Variants in PRELID2 observed in about 807,000 individuals in gnomAD.
PRELID2 encodes the protein PRELI domain containing 2, also known as PRELI domain-containing protein 2.
In PRELID2, 25 loss-of-function variants were observed where a neutral mutation model predicts 28.4. The ratio of observed to expected loss-of-function variants is 0.88; its 90% CI spans 0.64 to 1.23. The LOEUF is 1.23. Among genes scored for constraint, PRELID2 ranks in the 50% most tolerant of loss-of-function variants. The probability of loss-of-function intolerance (pLI) is 0.00; values close to 1 mark genes in which losing one functional copy is unlikely to be tolerated. For synonymous variants in PRELID2, 76 were observed against 71.6 expected (o/e 1.06, Z -0.31); for missense variants, 201 against 214.4 (o/e 0.94, Z 0.39).
At chr5:145,371,968 T>C in the PRELID2 span, among the ~76,000 whole-genome samples, 1 of 151,858 alleles carries the variant, frequency 6.6e-6, no homozygotes, top group Non-Finnish European at 1.5e-5. Context: ...CTGCTCTTAG[T>C]TATTTCTTGT....
At chr5:145,707,540 A>T (rs1340567246) in intron 1 of PRELID2, among the ~76,000 whole-genome samples, 2 of 152,188 alleles carry the variant, frequency 1.3e-5, no homozygotes, top group Non-Finnish European at 2.9e-5. Flanking sequence ...TTTCCTTAAG[A>T]AGCTTATCCA....
intron 1 of PRELID2, among the ~76,000 whole-genome samples, chr5:145,490,953 T>G (rs537258776): frequency 2.5e-4 from 38 of 149,716 alleles, no homozygotes; most frequent in African/African-American, 9.1e-4. Context: ...ACTTGCCTGG[T>G]CCCTATAAGC....
chr5:145,601,296 T>A (rs533499419), intron 1 of PRELID2, among the ~76,000 whole-genome samples: 1 of 152,056 alleles, frequency 6.6e-6, no homozygotes, highest in African/African-American at 2.4e-5. Context: ...ATAAATAAAT[T>A]GCTTAGCCTG....
intron 1 of PRELID2, among the ~76,000 whole-genome samples, chr5:145,824,463 T>TGTGTGTGTGTGAGA (rs373555427): frequency 3.5e-4 from 50 of 143,650 alleles, no homozygotes; most frequent in Non-Finnish European, 7.2e-4. Context: ...TGTGTGTGTG[T>TGTGTGTGTGTGAGA]GATATTGATT....
At chr5:145,387,280 C>T in the PRELID2 span, among the ~76,000 whole-genome samples, 1 of 151,048 alleles carries the variant, frequency 6.6e-6, no homozygotes, top group African/African-American at 2.4e-5. Context: ...AGTGAAATTA[C>T]ATATGCATAG....
At chr5:145,331,003 A>T in the PRELID2 span, among the ~76,000 whole-genome samples, 4 of 151,980 alleles carry the variant, frequency 2.6e-5, no homozygotes, top group South Asian at 8.3e-4. Context: ...CAAAGAGCTT[A>T]TTTATTTCTG....
At chr5:145,531,697 C>T (rs1752656401) in intron 1 of PRELID2, among the ~76,000 whole-genome samples, 1 of 151,356 alleles carries the variant, frequency 6.6e-6, no homozygotes, top group East Asian at 1.9e-4. Flanking sequence ...TTTGAATGTA[C>T]AGATTCCTTG....
At chr5:145,230,074 C>T in the PRELID2 span, 1 of 655,768 alleles carries the variant, frequency 1.5e-6, no homozygotes, top group South Asian at 1.4e-5. Flanking sequence ...CCATGAGGAG[C>T]TGGGGCCTCC....
chr5:145,349,494 A>T, the PRELID2 span, among the ~76,000 whole-genome samples: 1 of 149,442 alleles, frequency 6.7e-6, no homozygotes, highest in Non-Finnish European at 1.5e-5. Context: ...ATATGACTTC[A>T]TTTTTTTTTT....
chr5:145,580,292 AACAGAAGCC>A (rs371713112), intron 1 of PRELID2, among the ~76,000 whole-genome samples: 184 of 152,214 alleles, frequency 1.2e-3, no homozygotes, highest in African/African-American at 4.3e-3. Context: ...TTATATGGTA[AACAGAAGCC>A]ACCCCCTAAT....
In PRELID2 at chr5:145,716,977, A is replaced by G. The variant is rs551266140; in HGVS notation, n.70+47954T>C. Among the ~76,000 whole-genome samples, 47 of 152,298 alleles carry G rather than the reference A, an allele frequency of 3.1e-4. No homozygotes were observed. In the South Asian group the frequency reaches 9.5e-3, roughly 31 times the overall value. On this transcript the variant is annotated intron_variant and non_coding_transcript_variant, in intron 1 of 2. Coordinates refer to the PRELID2 transcript ENST00000510259. Reference sequence around the variant, plus strand: ...ACTGACACAACTCATATACCCATCAATAATGGAATGCGTGAATAAAGTATG... The same window carrying G: ...ACTGACACAACTCATATACCCATCAGTAATGGAATGCGTGAATAAAGTATG...
At chr5:145,793,398 C>T (rs1752524610) in intron 5 of PRELID2, among the ~76,000 whole-genome samples, 1 of 152,090 alleles carries the variant, frequency 6.6e-6, no homozygotes, top group African/African-American at 2.4e-5. Context: ...AATAAAGTCA[C>T]CTAAAACACT....
intron 1 of PRELID2, among the ~76,000 whole-genome samples, chr5:145,676,642 G>A (rs1231121347): frequency 6.6e-6 from 1 of 152,188 alleles, no homozygotes; most frequent in East Asian, 1.9e-4. Context: ...CTTTTCCTGA[G>A]AAACCAGTTG....
chr5:145,372,883 G>A, the PRELID2 span, among the ~76,000 whole-genome samples: 9 of 91,532 alleles, frequency 9.8e-5, no homozygotes, highest in Non-Finnish European at 1.7e-4. Context: ...TAATATATAT[G>A]ATATTATATA....
intron 1 of PRELID2, chr5:145,834,864 G>A (rs6895551): frequency 1.0e-5 from 3 of 299,278 alleles, no homozygotes; most frequent in Admixed American, 4.9e-5. Context: ...GTGATGAACC[G>A]GAAAGCTCCA....
At chr5:145,455,028 G>T in the PRELID2 span, among the ~76,000 whole-genome samples, 5 of 152,120 alleles carry the variant, frequency 3.3e-5, no homozygotes, top group South Asian at 2.1e-4. Flanking sequence ...CATCGGTCTT[G>T]GTGTTTTAGT....
the PRELID2 span, among the ~76,000 whole-genome samples, chr5:145,354,738 AGAG>A: frequency 1.3e-5 from 2 of 152,320 alleles, no homozygotes; most frequent in East Asian, 3.9e-4. Context: ...TATGTCAGAG[AGAG>A]GAGTAGATAG....
At chr5:145,718,261 A>T (rs990169577) in intron 1 of PRELID2, among the ~76,000 whole-genome samples, 3 of 151,992 alleles carry the variant, frequency 2.0e-5, no homozygotes, top group Admixed American at 6.6e-5. Flanking sequence ...ACAAAAATCA[A>T]TAGTATTCCT....
rs747297650 is a variant in PRELID2 at position 145,765,014 on chromosome 5, GA to G, written c.475-15del. The stretch of plus-strand genomic sequence containing the variant: ...GATTCTAATTCCCTATAGAAAGAAG[GA>G]AAAAAAATTAAAATGCCCTATTTCA... On this transcript the variant is annotated splice_polypyrimidine_tract_variant and intron_variant, in intron 5 of 6. Transcript: ENST00000683046. 31 of 1,568,310 alleles carry G rather than the reference GA, an allele frequency of 2.0e-5. No individual in the cohort carries two copies. The highest frequency in any genetic ancestry group is 4.7e-5 in the South Asian group (4 of 85,648).
Sources: allele counts gnomAD v4.1 joint callset (sites outside exome capture counted in the v4.1 genomes callset), GRCh38; gene constraint gnomAD v4.1.1; transcripts MANE v1.5; gene names NCBI Gene and HGNC (gene_info 2026-07-23, HGNC 2026-07-21).